Variants in KCTD8 observed in about 807,000 individuals in gnomAD.
KCTD8 encodes the protein potassium channel tetramerization domain containing 8.
In KCTD8, 27 loss-of-function variants were observed where a neutral mutation model predicts 31.5. That is an observed-to-expected ratio of 0.86 (90% CI 0.63 to 1.18). KCTD8 has a LOEUF of 1.18. Ranked by LOEUF, KCTD8 falls within the 50% of genes most tolerant of loss-of-function variation. The pLI, the probability that KCTD8 is intolerant of heterozygous loss-of-function variation, is 0.00. For synonymous variants in KCTD8, 290 were observed against 280.0 expected (o/e 1.04, Z -0.36); for missense variants, 658 against 647.7 (o/e 1.02, Z -0.17).
At chr4:44,377,251 G>T (rs1719938255) in intron 1 of KCTD8, among the ~76,000 whole-genome samples, 1 of 152,104 alleles carries the variant, frequency 6.6e-6, no homozygotes, top group Non-Finnish European at 1.5e-5. Context: ...TTCCTCCCCT[G>T]GCTCCTTCTC....
At chr4:44,291,575 C>T (rs56161092) in intron 1 of KCTD8, among the ~76,000 whole-genome samples, 6,256 of 151,990 alleles carry the variant, frequency 0.041, 171 homozygotes, top group Non-Finnish European at 0.065. Context: ...TAAGAATTTA[C>T]GGCTAAGTCC....
At chr4:44,440,098 A>AT (rs1477747653) in intron 1 of KCTD8, among the ~76,000 whole-genome samples, 1 of 151,496 alleles carries the variant, frequency 6.6e-6, no homozygotes, top group Non-Finnish European at 1.5e-5. Flanking sequence ...CGCCCAGCTA[A>AT]TTTTTTGTAT....
chr4:44,290,545 T>C (rs1478900538), intron 1 of KCTD8, among the ~76,000 whole-genome samples: 1 of 152,130 alleles, frequency 6.6e-6, no homozygotes, highest in Admixed American at 6.6e-5. Flanking sequence ...GTCCAAAGAT[T>C]GAATACATGC....
chr4:44,395,141 C>T (rs1352711477), intron 1 of KCTD8, among the ~76,000 whole-genome samples: 2 of 152,136 alleles, frequency 1.3e-5, no homozygotes, highest in African/African-American at 4.8e-5. Context: ...ATATCTCCAA[C>T]TTTTGCAGCA....
intron 1 of KCTD8, among the ~76,000 whole-genome samples, chr4:44,221,689 CA>C (rs1350350938): frequency 6.6e-6 from 1 of 152,034 alleles, no homozygotes; most frequent in Non-Finnish European, 1.5e-5. Context: ...TTGAGGGCAG[CA>C]AGCATCCAGC....
intron 1 of KCTD8, among the ~76,000 whole-genome samples, chr4:44,353,664 C>T (rs1719272891): frequency 6.6e-6 from 1 of 151,994 alleles, no homozygotes. Flanking sequence ...CTACTGTCTC[C>T]ACTAGTTCAA....
At chr4:44,305,507 T>A (rs568788892) in intron 1 of KCTD8, among the ~76,000 whole-genome samples, 1 of 151,704 alleles carries the variant, frequency 6.6e-6, no homozygotes, top group East Asian at 1.9e-4. Flanking sequence ...CTCACCAGGA[T>A]GATATAAAAC....
intron 1 of KCTD8, among the ~76,000 whole-genome samples, chr4:44,218,195 G>A (rs929941942): frequency 6.6e-5 from 9 of 136,250 alleles, no homozygotes; most frequent in African/African-American, 8.4e-5. Context: ...GTACGGTGGC[G>A]CAATCTCGGC....
At chr4:44,317,287 C>T (rs1462160365) in intron 1 of KCTD8, among the ~76,000 whole-genome samples, 2 of 99,922 alleles carry the variant, frequency 2.0e-5, no homozygotes, top group Non-Finnish European at 3.6e-5. Flanking sequence ...GGCCGGACTG[C>T]GGACTGCAGT....
chr4:44,225,059 C>A (rs1426192511), intron 1 of KCTD8, among the ~76,000 whole-genome samples: 1 of 152,168 alleles, frequency 6.6e-6, no homozygotes, highest in Non-Finnish European at 1.5e-5. Context: ...GCAACTCCAC[C>A]TTATCAGCAG....
chr4:44,304,239 T>G (rs1230466152), intron 1 of KCTD8, among the ~76,000 whole-genome samples: 1 of 152,134 alleles, frequency 6.6e-6, no homozygotes, highest in South Asian at 2.1e-4. Flanking sequence ...AATAGGTATG[T>G]GGTACACGAA....
chr4:44,400,787 G>C (rs1371619143), intron 1 of KCTD8, among the ~76,000 whole-genome samples: 1 of 150,330 alleles, frequency 6.7e-6, no homozygotes, highest in Non-Finnish European at 1.5e-5. Context: ...TCAATCTCTT[G>C]GGAATTCACT....
intron 1 of KCTD8, among the ~76,000 whole-genome samples, chr4:44,268,553 G>T (rs1716468229): frequency 6.6e-6 from 1 of 152,018 alleles, no homozygotes; most frequent in African/African-American, 2.4e-5. Flanking sequence ...GGGCAATTAG[G>T]CAGGAGAAGG....
At chr4:44,332,668 G>C (rs530212121) in intron 1 of KCTD8, among the ~76,000 whole-genome samples, 39 of 151,868 alleles carry the variant, frequency 2.6e-4, no homozygotes, top group Non-Finnish European at 5.3e-4. Context: ...AAATGAAAGA[G>C]AAATAGGTTC....
rs773135071 is a variant in KCTD8 at position 44,447,839 on chromosome 4, A to T, written c.685T>A (p.Phe229Ile). The T allele has an allele frequency of 1.3e-6, 2 of 1,591,828 alleles. No homozygotes were observed. The highest frequency in any genetic ancestry group is 8.6e-7 in the Non-Finnish European group (1 of 1,167,162). The change falls in exon 1 of 2, where the codon TTC becomes ATC. Residue 229 changes from phenylalanine (F) to isoleucine (I), a missense_variant. Coordinates refer to ENST00000360029, the MANE Select transcript of KCTD8 (RefSeq NM_198353.3). Reference protein sequence around the residue: ...TVRDNQADAKFRRVARIMVCG... With the variant: ...TVRDNQADAKIRRVARIMVCG... The stretch of plus-strand genomic sequence containing the variant: ...ACCATGATGCGCGCCACACGCCGGA[A>T]TTTGGCGTCGGCCTGGTTGTCGCGC...
intron 1 of KCTD8, among the ~76,000 whole-genome samples, chr4:44,412,182 A>T (rs1009696766): frequency 6.6e-6 from 1 of 152,210 alleles, no homozygotes; most frequent in Non-Finnish European, 1.5e-5. Context: ...TAAAAAACCA[A>T]CAAACTAATC....
At chr4:44,229,801 A>T (rs1055721268) in intron 1 of KCTD8, among the ~76,000 whole-genome samples, 4 of 151,702 alleles carry the variant, frequency 2.6e-5, no homozygotes, top group Non-Finnish European at 2.9e-5. Flanking sequence ...CACTCTACAA[A>T]CAACTGCCTT....
intron 1 of KCTD8, 31 bp downstream of exon 1, chr4:44,447,532 G>A: frequency 6.6e-7 from 1 of 1,513,234 alleles, no homozygotes; most frequent in South Asian, 1.3e-5. Flanking sequence ...GGGGCGAGGG[G>A]TGCTGGGAAA....
chr4:44,419,618 G>A (rs182243182), intron 1 of KCTD8, among the ~76,000 whole-genome samples: 42 of 152,032 alleles, frequency 2.8e-4, no homozygotes, highest in African/African-American at 9.9e-4. Flanking sequence ...AGCAAACACC[G>A]CATGTTCTCA....
Sources: allele counts gnomAD v4.1 joint callset (sites outside exome capture counted in the v4.1 genomes callset), GRCh38; gene constraint gnomAD v4.1.1; transcripts MANE v1.5; gene names NCBI Gene and HGNC (gene_info 2026-07-23, HGNC 2026-07-21).